Variants in CARNMT1 observed in about 807,000 individuals in gnomAD.
The protein encoded by CARNMT1 is protein-L-histidine N-pros-methyltransferase CARNMT1.
In CARNMT1, 28 loss-of-function variants were observed where a neutral mutation model predicts 49.6. That is an observed-to-expected ratio of 0.56 (90% CI 0.42 to 0.77). The LOEUF (loss-of-function observed/expected upper bound fraction) is 0.77. CARNMT1 is among the 30% of genes least tolerant of loss of function. CARNMT1 has a pLI of 0.00. For synonymous variants in CARNMT1, 178 were observed against 175.0 expected, an observed-to-expected ratio of 1.02 and a Z score of -0.13; for missense variants, 421 against 512.6, an observed-to-expected ratio of 0.82 and a Z score of 1.73.
At chr9:75,003,682 T>G (rs1176345537) in intron 3 of CARNMT1, among the ~76,000 whole-genome samples, 1 of 152,258 alleles carries the variant, frequency 6.6e-6, no homozygotes. Context: ...TTATATTGTT[T>G]CCAATCTTTC....
intron 3 of CARNMT1, among the ~76,000 whole-genome samples, chr9:75,013,973 A>G (rs1463401489): frequency 6.6e-6 from 1 of 150,472 alleles, no homozygotes; most frequent in Non-Finnish European, 1.5e-5. Context: ...TTTGTGTCAA[A>G]AAAAAGAGAG....
In CARNMT1 at chr9:74,998,719, G is replaced by A; in HGVS notation, c.789C>T (p.Asn263=). The change falls in exon 5 of 8, where the codon AAC becomes AAT. Residue 263 remains asparagine, a synonymous_variant. Transcript: ENST00000376834. ...GTCGAATCTGATCAGCTGATCTCCGGTTATTGCTAAACTGATGGATCCAAG... is the reference window on the plus strand; with the variant it reads ...GTCGAATCTGATCAGCTGATCTCCGATTATTGCTAAACTGATGGATCCAAG... ...LYPWIHQFSN[N]RRSADQIRPI... 8 of 1,603,394 alleles carry A rather than the reference G, an allele frequency of 5.0e-6. No individual in the cohort carries two copies. Among genetic ancestry groups the A allele is most frequent in the Non-Finnish European group, 6.8e-6 (8 of 1,174,414 alleles).
At chr9:74,987,078 A>G (rs1295711294) in intron 6 of CARNMT1, among the ~76,000 whole-genome samples, 1 of 152,254 alleles carries the variant, frequency 6.6e-6, no homozygotes, top group Non-Finnish European at 1.5e-5. Context: ...CCAGAGAATA[A>G]ACATTTTTAC....
At chr9:75,027,233 A>C in intron 1 of CARNMT1, 2 of 960,990 alleles carry the variant, frequency 2.1e-6, no homozygotes, top group Non-Finnish European at 2.9e-6. Flanking sequence ...TCTATCTAGA[A>C]GAAACGTGGA....
intron 6 of CARNMT1, among the ~76,000 whole-genome samples, chr9:74,992,323 A>G (rs1302160769): frequency 1.3e-5 from 2 of 152,176 alleles, no homozygotes; most frequent in Middle Eastern, 3.4e-3. Flanking sequence ...CTAAAATCTG[A>G]TAAGACCTAT....
At chr9:75,016,191 G>T in intron 3 of CARNMT1, 77 bp downstream of exon 3, 1 of 1,107,756 alleles carries the variant, frequency 9.0e-7, no homozygotes, top group Non-Finnish European at 1.3e-6. Flanking sequence ...AATGAAGCGA[G>T]ACTGTGAAAC....
intron 3 of CARNMT1, among the ~76,000 whole-genome samples, chr9:75,010,497 G>T (rs1467334747): frequency 6.6e-6 from 1 of 152,156 alleles, no homozygotes; most frequent in African/African-American, 2.4e-5. Context: ...TAGGTTAACA[G>T]AAATTATCCA....
At position 74,999,843 on chromosome 9, in the gene CARNMT1, T is replaced by C; in HGVS notation, c.618A>G (p.Val206=). ...RWDPSKVNIL[V]PGAGLGRLAW... is the part of the protein sequence containing the mutation. ...CCAGTCTTCCTAGTCCAGCACCAGG[T>C]ACCAGAATATTTACTTTAGAAGGAT... The change falls in exon 4 of 8, where the codon GTA becomes GTG. Residue 206 remains valine (V), a synonymous_variant. Transcript: ENST00000376834. The C allele has an allele frequency of 1.2e-6, 2 of 1,611,356 alleles. No individual in the cohort carries two copies. The highest frequency in any genetic ancestry group is 1.7e-6 in the Non-Finnish European group (2 of 1,178,686).
intron 6 of CARNMT1, among the ~76,000 whole-genome samples, chr9:74,987,924 T>C (rs957729702): frequency 3.9e-5 from 6 of 152,168 alleles, no homozygotes; most frequent in Non-Finnish European, 7.3e-5. Context: ...ATTCACGACC[T>C]AGTTGCCCAT....
At chr9:75,008,360 C>A (rs1833583299) in intron 3 of CARNMT1, among the ~76,000 whole-genome samples, 1 of 152,120 alleles carries the variant, frequency 6.6e-6, no homozygotes, top group South Asian at 2.1e-4. Context: ...GAGACGGAGT[C>A]TCACTCTATT....
chr9:74,990,457 C>T (rs916664949), intron 6 of CARNMT1, among the ~76,000 whole-genome samples: 56 of 152,174 alleles, frequency 3.7e-4, no homozygotes, highest in African/African-American at 1.2e-3. Context: ...TATGAACTTA[C>T]GATTTTGTCT....
At chr9:75,004,935 T>C (rs868852988) in intron 3 of CARNMT1, among the ~76,000 whole-genome samples, 13 of 152,186 alleles carry the variant, frequency 8.5e-5, no homozygotes, top group African/African-American at 3.1e-4. Flanking sequence ...ACTCAAAAAA[T>C]GTGATTTTAC....
intron 1 of CARNMT1, among the ~76,000 whole-genome samples, chr9:75,027,796 GTGCAGC>G (rs1047342410): frequency 6.6e-5 from 10 of 152,234 alleles, no homozygotes; most frequent in African/African-American, 2.4e-4. Flanking sequence ...ACACGAGGCT[GTGCAGC>G]AGACGGCGCG....
At chr9:75,009,786 G>A (rs1018436512) in intron 3 of CARNMT1, 24 of 150,424 alleles carry the variant, frequency 1.6e-4, no homozygotes, top group African/African-American at 5.4e-4. Flanking sequence ...TACATACAAT[G>A]CCTGGCATTC....
intron 6 of CARNMT1, among the ~76,000 whole-genome samples, chr9:74,986,098 C>T (rs1832828338): frequency 6.6e-6 from 1 of 152,186 alleles, no homozygotes; most frequent in Admixed American, 6.5e-5. Flanking sequence ...ACCATTATCA[C>T]TTAACACAGT....
Position 74,988,211 on chromosome 9 carries a change from G to A in CARNMT1, c.1025-3201C>T, listed in dbSNP as rs141372438. Among the ~76,000 whole-genome samples, 959 of 151,818 alleles carry A rather than the reference G, an allele frequency of 6.3e-3. 8 individuals are homozygous for A. The highest frequency in any genetic ancestry group is 0.022 in the African/African-American group (912 of 41,416). On this transcript the variant is annotated intron_variant, in intron 6 of 7. Coordinates refer to ENST00000376834, the MANE Select transcript of CARNMT1 (RefSeq NM_152420.3). ...GGACTACAGGCATGCAACACCACAC[G>A]CAGCTTTCTTCATATTCTTTTAGTG...
chr9:75,027,403 T>C, intron 1 of CARNMT1: 1 of 985,030 alleles, frequency 1.0e-6, no homozygotes, highest in Non-Finnish European at 1.2e-6. Flanking sequence ...AATTTTAGAA[T>C]ATCCGGACCA....
At chr9:75,012,534 G>T (rs932063098) in intron 3 of CARNMT1, among the ~76,000 whole-genome samples, 3 of 151,842 alleles carry the variant, frequency 2.0e-5, no homozygotes, top group Admixed American at 2.0e-4. Context: ...TGATCCATCC[G>T]GCTCAGCCTA....
chr9:74,989,591 G>C (rs1394299083), intron 6 of CARNMT1, among the ~76,000 whole-genome samples: 1 of 152,146 alleles, frequency 6.6e-6, no homozygotes, highest in Non-Finnish European at 1.5e-5. Context: ...ATCCCACATG[G>C]AGGGAGGGAC....
Sources: gnomAD v4.1 joint callset for allele counts (sites outside exome capture counted in the v4.1 genomes callset) on GRCh38, gnomAD v4.1.1 for gene constraint, MANE v1.5 for transcripts, NCBI Gene and HGNC (gene_info 2026-07-23, HGNC 2026-07-21) for gene names.